The following RTN1 variants were observed in gnomAD, a reference collection of about 807,000 sequenced individuals.
RTN1 encodes the protein reticulon 1, also known as reticulon-1.
A neutral mutation model predicts 65.5 loss-of-function variants in RTN1; 25 were observed. The observed-to-expected ratio is 0.38, with a 90% confidence interval of 0.28 to 0.53. The LOEUF is 0.53. Among genes scored for constraint, RTN1 ranks in the 20% least tolerant of loss-of-function variants. The pLI is 0.79. For synonymous variants in RTN1, 471 were observed against 447.6 expected, an observed-to-expected ratio of 1.05 and a Z score of -0.66; for missense variants, 983 against 1,025.4, an observed-to-expected ratio of 0.96 and a Z score of 0.57.
chr14:59,845,118 T>C (rs1344833603), intron 1 of RTN1, among the ~76,000 whole-genome samples: 3 of 152,166 alleles, frequency 2.0e-5, no homozygotes, highest in Non-Finnish European at 2.9e-5. Flanking sequence ...CAATCGAAAA[T>C]TTAAAATCTA....
rs1434071707 is a variant in RTN1, at chr14:59,749,364, A to C, written c.242-2883T>G. Among the ~76,000 whole-genome samples the C allele has an allele frequency of 9.5e-3, 740 of 77,562 alleles. 120 individuals are homozygous for C. Among genetic ancestry groups the C allele is most frequent in the African/African-American group, 0.061 (708 of 11,642 alleles). 50.9% of individuals were successfully genotyped at this position (77,562 alleles called of 152,430 possible). ...TATATATATCTATATATATCTATAT[A>C]TATATCTATATATCTATATCTATAT... On this transcript the variant is annotated intron_variant, in intron 1 of 8. Transcript: ENST00000267484.
At chr14:59,669,561 A>T (rs1389023671) in intron 3 of RTN1, among the ~76,000 whole-genome samples, 1 of 152,158 alleles carries the variant, frequency 6.6e-6, no homozygotes, top group African/African-American at 2.4e-5. Flanking sequence ...CCTATGTATC[A>T]AACCTGCATG....
intron 1 of RTN1, among the ~76,000 whole-genome samples, chr14:59,789,695 A>G (rs1192861861): frequency 6.6e-6 from 1 of 152,110 alleles, no homozygotes; most frequent in African/African-American, 2.4e-5. Flanking sequence ...CAGAACTTCT[A>G]CATCTAATGC....
At chr14:59,784,602 G>A (rs544750163) in intron 1 of RTN1, among the ~76,000 whole-genome samples, 3 of 152,212 alleles carry the variant, frequency 2.0e-5, no homozygotes, top group Admixed American at 6.5e-5. Flanking sequence ...TAATACTGTT[G>A]GAAAATACTT....
chr14:59,711,086 TAG>T (rs912616186), intron 3 of RTN1, among the ~76,000 whole-genome samples: 2 of 152,234 alleles, frequency 1.3e-5, no homozygotes, highest in African/African-American at 4.8e-5. Context: ...TGCCTGTCTC[TAG>T]ACCAGCCTTA....
rs1881631491 is a variant in RTN1, at chr14:59,603,131, A to G, written c.2230-8T>C. 13 of 1,610,584 alleles carry G rather than the reference A, an allele frequency of 8.1e-6. No individual in the cohort carries two copies. The highest frequency in any genetic ancestry group is 1.1e-5 in the Non-Finnish European group (13 of 1,178,692). ...ATATTGGTCAATCTGTGCCTACATA[A>G]AGAAAAAAAAAATAATGAGCATATC... On this transcript the variant is annotated splice_polypyrimidine_tract_variant and splice_region_variant and intron_variant, in intron 7 of 8. Transcript: ENST00000267484.
chr14:59,830,093 C>T (rs1887099448), intron 1 of RTN1, among the ~76,000 whole-genome samples: 1 of 152,220 alleles, frequency 6.6e-6, no homozygotes, highest in Admixed American at 6.5e-5. Context: ...TGTGGAATAA[C>T]TACGTGGCCT....
chr14:59,696,759 A>G (rs1241523074), intron 3 of RTN1, among the ~76,000 whole-genome samples: 1 of 152,184 alleles, frequency 6.6e-6, no homozygotes, highest in African/African-American at 2.4e-5. Flanking sequence ...TGCTTCCAAG[A>G]TAGAGGAGTC....
chr14:59,808,961 G>A (rs1886683462), intron 1 of RTN1, among the ~76,000 whole-genome samples: 1 of 152,130 alleles, frequency 6.6e-6, no homozygotes, highest in Non-Finnish European at 1.5e-5. Flanking sequence ...AAAACCATTA[G>A]CGAATTAAAC....
chr14:59,700,594 C>T (rs1457443461), intron 3 of RTN1, among the ~76,000 whole-genome samples: 1 of 151,930 alleles, frequency 6.6e-6, no homozygotes, highest in African/African-American at 2.4e-5. Context: ...TTATTTTTGG[C>T]CAGGGTGACA....
intron 1 of RTN1, among the ~76,000 whole-genome samples, chr14:59,844,155 C>T (rs1177377454): frequency 6.6e-6 from 1 of 152,126 alleles, no homozygotes; most frequent in Non-Finnish European, 1.5e-5. Flanking sequence ...ATAAACACAG[C>T]CTCGGGTATA....
In RTN1 at chr14:59,829,006, T is replaced by C. The variant is rs1887080668; in HGVS notation, c.241+41384A>G. Among the ~76,000 whole-genome samples the C allele has an allele frequency of 6.6e-6, 1 of 152,208 alleles. No individual in the cohort carries two copies. The highest frequency in any genetic ancestry group is 1.5e-5 in the Non-Finnish European group (1 of 68,042). Reference sequence around the variant, plus strand: ...ATTATTCAACCTCCCAGGCTTCCACTATATCCTTGGATGATCCCACTGCTC... The same window carrying C: ...ATTATTCAACCTCCCAGGCTTCCACCATATCCTTGGATGATCCCACTGCTC... On this transcript the variant is annotated intron_variant, in intron 1 of 8. Transcript: ENST00000267484. This position sits in a 1 kb window ranked among gnomAD's most constrained non-coding sequence, Gnocchi z 4.3.
At chr14:59,771,075 G>A (rs1885948717) in intron 1 of RTN1, among the ~76,000 whole-genome samples, 1 of 151,922 alleles carries the variant, frequency 6.6e-6, no homozygotes, top group Non-Finnish European at 1.5e-5. Flanking sequence ...GTAATGGCAT[G>A]AGCTTTCCTT....
intron 3 of RTN1, among the ~76,000 whole-genome samples, chr14:59,707,791 G>A (rs11624351): frequency 0.056 from 8,382 of 150,648 alleles, 301 homozygotes; most frequent in Non-Finnish European, 0.083. Flanking sequence ...AAGTCTTCAG[G>A]AAATGAACAC....
chr14:59,659,196 A>C (rs2140205387), intron 3 of RTN1, among the ~76,000 whole-genome samples: 1 of 152,244 alleles, frequency 6.6e-6, no homozygotes, highest in South Asian at 2.1e-4. Flanking sequence ...AAAAAAAAAG[A>C]ATGAAAAGGA....
chr14:59,711,829 A>T (rs1330833552), intron 3 of RTN1, among the ~76,000 whole-genome samples: 3 of 152,060 alleles, frequency 2.0e-5, no homozygotes, highest in Non-Finnish European at 2.9e-5. Context: ...CATGATAGGG[A>T]CCTCATCAAA....
At position 59,868,205 on chromosome 14, in the gene RTN1, G is replaced by A. The variant is rs758240198; in HGVS notation, c.241+2185C>T. The stretch of plus-strand genomic sequence containing the variant: ...TTGAGTCTCTTATAGCAGCACATCC[G>A]GTCTACTTAATAAGAAACACAGAGA... On this transcript the variant is annotated intron_variant, in intron 1 of 8. Coordinates refer to ENST00000267484, the MANE Select transcript of RTN1 (RefSeq NM_021136.3). This position sits in a 1 kb window ranked among gnomAD's most constrained non-coding sequence, Gnocchi z 4.0. Among the ~76,000 whole-genome samples, 4 of 151,922 alleles carry A rather than the reference G, an allele frequency of 2.6e-5. No individual in the cohort carries two copies. The highest frequency in any genetic ancestry group is 6.6e-5 in the Admixed American group (1 of 15,240).
At chr14:59,693,217 A>G (rs1883996145) in intron 3 of RTN1, among the ~76,000 whole-genome samples, 1 of 152,222 alleles carries the variant, frequency 6.6e-6, no homozygotes. Context: ...TAGCCACCCA[A>G]ATTGAGAAGA....
intron 1 of RTN1, among the ~76,000 whole-genome samples, chr14:59,778,279 A>G (rs188779782): frequency 3.7e-4 from 56 of 152,302 alleles, no homozygotes; most frequent in Non-Finnish European, 3.2e-4. Context: ...TGTATGCTTC[A>G]TGACAGCAGG....
Sources: allele counts gnomAD v4.1 joint callset (sites outside exome capture counted in the v4.1 genomes callset), GRCh38; gene constraint gnomAD v4.1.1; non-coding constraint Gnocchi (gnomAD v3.1); transcripts MANE v1.5; gene names NCBI Gene and HGNC (gene_info 2026-07-23, HGNC 2026-07-21).